TSHZ1: variants seen among roughly 807,000 people sequenced by gnomAD.
TSHZ1 encodes the protein teashirt zinc finger homeobox 1, also known as teashirt homolog 1.
A neutral mutation model predicts 67.1 loss-of-function variants in TSHZ1; 12 were observed. The ratio of observed to expected loss-of-function variants is 0.18; its 90% CI spans 0.11 to 0.29. TSHZ1 has a LOEUF of 0.29. Ranked by LOEUF, TSHZ1 falls within the 10% of genes least tolerant of loss-of-function variation. The pLI, the probability that TSHZ1 is intolerant of heterozygous loss-of-function variation, is 1.00. For synonymous variants in TSHZ1, 632 were observed against 622.4 expected (o/e 1.02, Z -0.23); for missense variants, 1,305 against 1,413.9 (o/e 0.92, Z 1.23).
rs187001395 is a variant in TSHZ1, at chr18:75,246,651, G to C, written c.40+34735G>C. ...CATGCTCAAGTCATGGGGTTTAAAG[G>C]GGTGATGGCTTCAGTTCTCTGTGTG... On this transcript the variant is annotated intron_variant, in intron 1 of 1. Transcript: ENST00000580243. 1.1e-3 allele frequency among the ~76,000 whole-genome samples: 169 copies of C among 152,142 alleles called. 1 individual carries two copies. The highest frequency in any genetic ancestry group is 2.8e-3 in the African/African-American group (116 of 41,486).
chr18:75,211,043 G>A lies in TSHZ1; in HGVS notation c.-834G>A, dbSNP rs757602735. ...TTGTGTATTTTTCAAATTTTTTTCT[G>A]TTGGAAGATCAAGACCGGCCAAAAA... On this transcript the variant is annotated 5_prime_UTR_variant, in exon 1 of 2. Transcript: ENST00000580243. The A allele has an allele frequency of 6.7e-6, 1 of 148,960 alleles. No homozygotes were observed. Among genetic ancestry groups the A allele is most frequent in the Non-Finnish European group, 1.5e-5 (1 of 67,616 alleles). 9.2% of individuals were successfully genotyped at this position (148,960 alleles called of 1,614,324 possible).
At chr18:75,227,049 G>A (rs759575748) in intron 1 of TSHZ1, among the ~76,000 whole-genome samples, 7 of 152,066 alleles carry the variant, frequency 4.6e-5, no homozygotes, top group Non-Finnish European at 8.8e-5. Context: ...CCGGCTTTCC[G>A]TGCAGAAAGC....
chr18:75,252,812 T>C (rs62089815), intron 1 of TSHZ1, among the ~76,000 whole-genome samples: 63 of 152,320 alleles, frequency 4.1e-4, no homozygotes, highest in Non-Finnish European at 8.4e-4. Context: ...GTTCCTGCCC[T>C]GTGTCCCCTT....
intron 1 of TSHZ1, among the ~76,000 whole-genome samples, chr18:75,280,315 A>G (rs894392470): frequency 2.0e-5 from 3 of 152,248 alleles, no homozygotes. Context: ...ACTTCAAAAA[A>G]TAAAATGATT....
chr18:75,260,373 CT>C (rs2023416309), intron 1 of TSHZ1, among the ~76,000 whole-genome samples: 1 of 152,144 alleles, frequency 6.6e-6, no homozygotes, highest in African/African-American at 2.4e-5. Flanking sequence ...TGAAGGTTTC[CT>C]TTTTTCACAT....
chr18:75,257,155 T>A (rs1463799549), intron 1 of TSHZ1, among the ~76,000 whole-genome samples: 1 of 152,214 alleles, frequency 6.6e-6, no homozygotes, highest in East Asian at 1.9e-4. Flanking sequence ...CTTTATCAAA[T>A]TGACCTTCAA....
intron 1 of TSHZ1, among the ~76,000 whole-genome samples, chr18:75,237,479 G>A (rs1416795100): frequency 6.6e-6 from 1 of 152,142 alleles, no homozygotes; most frequent in Non-Finnish European, 1.5e-5. Context: ...CCATGATTGT[G>A]CCACTGCACT....
intron 1 of TSHZ1, among the ~76,000 whole-genome samples, chr18:75,217,579 C>G (rs2022786958): frequency 6.6e-6 from 1 of 152,162 alleles, no homozygotes; most frequent in African/African-American, 2.4e-5. Context: ...AAACAATGAA[C>G]CAGGTTTTCT....
At chr18:75,219,791 C>G (rs1038546104) in intron 1 of TSHZ1, among the ~76,000 whole-genome samples, 36 of 152,220 alleles carry the variant, frequency 2.4e-4, no homozygotes, top group Non-Finnish European at 1.3e-4. Context: ...TCTTTGCACA[C>G]GTGACACGAG....
chr18:75,285,513 C>G lies in TSHZ1; in HGVS notation c.106C>G (p.Leu36Val), dbSNP rs750631214. ...IDEEHVEDDG[L>V]SLDIQESEYM... is the part of the protein sequence containing the mutation. ...TGAAGAGCACGTGGAGGATGACGGGCTGTCTTTGGACATTCAGGAAAGTGA... is the reference window on the plus strand; with the variant it reads ...TGAAGAGCACGTGGAGGATGACGGGGTGTCTTTGGACATTCAGGAAAGTGA... The change falls in exon 2 of 2, where the codon CTG becomes GTG. Residue 36 changes from leucine (L) to valine (V), a missense_variant. This residue lies in a region of TSHZ1 where 358 missense variants were observed against 375.6 expected (regional missense o/e 0.95). Coordinates refer to ENST00000580243, the MANE Select transcript of TSHZ1 (RefSeq NM_001308210.2). 6.5e-7 allele frequency: 1 copy of G among 1,536,282 alleles called. No homozygotes were observed. The highest frequency in any genetic ancestry group is 8.8e-7 in the Non-Finnish European group (1 of 1,137,878).
At chr18:75,250,503 C>T (rs753494400) in intron 1 of TSHZ1, among the ~76,000 whole-genome samples, 15 of 152,200 alleles carry the variant, frequency 9.9e-5, no homozygotes, top group South Asian at 2.1e-4. Flanking sequence ...TGGACGTGGA[C>T]GGGGCGGTGC....
chr18:75,247,329 G>T (rs922861263), intron 1 of TSHZ1, among the ~76,000 whole-genome samples: 6 of 152,260 alleles, frequency 3.9e-5, no homozygotes, highest in East Asian at 1.9e-4. Context: ...CTCCTGCCAG[G>T]GGGGGCTGTG....
chr18:75,286,056 C>T lies in TSHZ1; in HGVS notation c.649C>T (p.Leu217Phe). Reference protein sequence around the residue: ...TLQQTSSYGLLPEPSLFSTVQ... With the variant: ...TLQQTSSYGLFPEPSLFSTVQ... ...GCAGCAGACGTCCTCGTATGGGCTG[C>T]TTCCTGAGCCCAGCCTGTTCAGCAC... Residue 217 changes from leucine to phenylalanine, a missense_variant, in exon 2 of 2, where the codon CTT becomes TTT. By Grantham distance (22) the Leu-to-Phe change is conservative. Transcript: ENST00000580243. This position sits in a 1 kb window ranked among gnomAD's most constrained non-coding sequence, Gnocchi z 5.1. 1 of 1,613,454 alleles carries T rather than the reference C, an allele frequency of 6.2e-7. No homozygotes were observed. The highest frequency in any genetic ancestry group is 8.5e-7 in the Non-Finnish European group (1 of 1,179,798).
At chr18:75,231,268 G>A (rs2022995269) in intron 1 of TSHZ1, among the ~76,000 whole-genome samples, 1 of 152,218 alleles carries the variant, frequency 6.6e-6, no homozygotes, top group African/African-American at 2.4e-5. Context: ...CAGCTCAGGC[G>A]GGTGTGGCCC....
At position 75,281,729 on chromosome 18, in the gene TSHZ1, G is replaced by C. The variant is rs1158125309; in HGVS notation, c.41-3719G>C. On this transcript the variant is annotated intron_variant, in intron 1 of 1. Transcript: ENST00000580243. This position sits in a 1 kb window ranked among gnomAD's most constrained non-coding sequence, Gnocchi z 5.3. Reference sequence around the variant, plus strand: ...GCGGGTAGCGGTCACCGAGGGTCTGGAGACGAGGGAGAGGGCCACATGCTG... The same window carrying C: ...GCGGGTAGCGGTCACCGAGGGTCTGCAGACGAGGGAGAGGGCCACATGCTG... 6.6e-6 allele frequency among the ~76,000 whole-genome samples: 1 copy of C among 152,152 alleles called. No individual in the cohort carries two copies. Among genetic ancestry groups the C allele is most frequent in the Admixed American group, 6.5e-5 (1 of 15,282 alleles).
chr18:75,236,872 G>GATA (rs370806933), intron 1 of TSHZ1, among the ~76,000 whole-genome samples: 20 of 152,206 alleles, frequency 1.3e-4, no homozygotes, highest in Admixed American at 2.0e-4. Flanking sequence ...TAAGGTTACA[G>GATA]GGTAAGACAG....
chr18:75,288,075 T>C lies in TSHZ1; in HGVS notation c.2668T>C (p.Ser890Pro), dbSNP rs757619803. 6 of 1,613,602 alleles carry C rather than the reference T, an allele frequency of 3.7e-6. No individual in the cohort carries two copies. Among genetic ancestry groups the C allele is most frequent in the Non-Finnish European group, 4.2e-6 (5 of 1,180,004 alleles). Residue 890 changes from serine to proline, a missense_variant, in exon 2 of 2, where the codon TCC becomes CCC. Ser to Pro is a moderately conservative substitution (Grantham distance 74, BLOSUM62 -1). Transcript: ENST00000580243. This position sits in a 1 kb window ranked among gnomAD's most constrained non-coding sequence, Gnocchi z 4.9. ...SPVHKRKGRQ[S>P]NWNPQHLLIL... ...GGTCCACAAGAGGAAGGGCCGGCAG[T>C]CCAACTGGAACCCGCAGCACCTTCT... is the stretch of plus-strand genomic sequence containing the variant.
chr18:75,260,787 C>T lies in TSHZ1; in HGVS notation c.41-24661C>T, dbSNP rs983276536. On this transcript the variant is annotated intron_variant, in intron 1 of 1. Coordinates refer to ENST00000580243, the MANE Select transcript of TSHZ1 (RefSeq NM_001308210.2). Reference sequence around the variant, plus strand: ...AACACGCCCTGGTTGAATGCCCAGGCATCAGACCCAAGCTTATGGCCGTGG... The same window carrying T: ...AACACGCCCTGGTTGAATGCCCAGGTATCAGACCCAAGCTTATGGCCGTGG... Among the ~76,000 whole-genome samples, 8 of 152,274 alleles carry T rather than the reference C, an allele frequency of 5.3e-5. No homozygotes were observed. The East Asian group carries it at 7.7e-4, about 15-fold the overall frequency.
At chr18:75,265,846 A>C (rs1163377206) in intron 1 of TSHZ1, among the ~76,000 whole-genome samples, 1 of 152,138 alleles carries the variant, frequency 6.6e-6, no homozygotes, top group Non-Finnish European at 1.5e-5. Context: ...CCCACCTAAA[A>C]GGCAATAAAG....
Sources: allele counts gnomAD v4.1 joint callset (sites outside exome capture counted in the v4.1 genomes callset), GRCh38; gene constraint gnomAD v4.1.1; regional missense constraint gnomAD v4.1.1; non-coding constraint Gnocchi (gnomAD v3.1); transcripts MANE v1.5; gene names NCBI Gene and HGNC (gene_info 2026-07-23, HGNC 2026-07-21).